The following GLCCI1 variants were observed in gnomAD, a reference collection of about 807,000 sequenced individuals.
GLCCI1 encodes glucocorticoid induced 1.
GLCCI1 carries 24 observed loss-of-function variants against 52.2 expected under a neutral mutation model. The observed-to-expected ratio is 0.46, with a 90% CI of 0.33 to 0.65. The LOEUF (loss-of-function observed/expected upper bound fraction) is 0.65, where lower values mean the gene tolerates loss of function less well. Ranked by LOEUF, GLCCI1 falls within the 30% of genes least tolerant of loss-of-function variation. The pLI is 0.02. For synonymous variants in GLCCI1, 310 were observed against 276.5 expected (o/e 1.12, Z -1.20); for missense variants, 704 against 701.5 (o/e 1.00, Z -0.04).
intron 4 of GLCCI1, 92 bp from the exon 5 acceptor site, chr7:8,060,000 GTTCA>G: frequency 2.9e-6 from 3 of 1,033,574 alleles, no homozygotes; most frequent in Non-Finnish European, 4.1e-6. Flanking sequence ...AAATAACTCC[GTTCA>G]TTGAGTTTCA....
chr7:8,052,529 C>T (rs941890052), intron 3 of GLCCI1, among the ~76,000 whole-genome samples: 3 of 152,112 alleles, frequency 2.0e-5, no homozygotes, highest in Non-Finnish European at 4.4e-5. Context: ...GGTTATAAAC[C>T]AACATATAGT....
At chr7:7,987,774 T>G (rs1040464538) in intron 1 of GLCCI1, among the ~76,000 whole-genome samples, 2 of 151,984 alleles carry the variant, frequency 1.3e-5, no homozygotes, top group African/African-American at 2.4e-5. Flanking sequence ...TATTTTTTAT[T>G]TTTTTTAGAA....
At chr7:8,024,887 A>G (rs1280185552) in intron 3 of GLCCI1, 1 of 152,274 alleles carries the variant, frequency 6.6e-6, no homozygotes, top group Non-Finnish European at 1.5e-5. Flanking sequence ...TCTGTCGCAT[A>G]GCATTTCAGT....
intron 6 of GLCCI1, among the ~76,000 whole-genome samples, chr7:8,079,736 T>A (rs1398593877): frequency 6.6e-6 from 1 of 151,470 alleles, no homozygotes; most frequent in East Asian, 1.9e-4. Flanking sequence ...TGAGAAGTGA[T>A]TACAAAATAT....
chr7:7,995,865 C>T (rs1315869188), intron 1 of GLCCI1, among the ~76,000 whole-genome samples: 2 of 151,258 alleles, frequency 1.3e-5, no homozygotes, highest in African/African-American at 2.4e-5. Flanking sequence ...CAAACCTGCA[C>T]GTTGTGCACA....
In GLCCI1 at chr7:8,002,618, G is replaced by T. The variant is rs559220756; in HGVS notation, c.458-1290G>T. ...GTTTTTCTGGTAAACTATGTATTCT[G>T]ATTTCAGGAAGGTGAAGGACAGCAT... On this transcript the variant is annotated intron_variant, in intron 1 of 7. Transcript: ENST00000223145. 4.7e-4 allele frequency among the ~76,000 whole-genome samples: 72 copies of T among 152,262 alleles called. No individual in the cohort carries two copies. The South Asian group carries it at 0.014, about 30-fold the overall frequency.
At chr7:8,025,635 T>A (rs989567303) in intron 3 of GLCCI1, among the ~76,000 whole-genome samples, 1 of 152,092 alleles carries the variant, frequency 6.6e-6, no homozygotes, top group African/African-American at 2.4e-5. Flanking sequence ...CTTTCCAGAT[T>A]TGATGAAAAA....
In GLCCI1 at chr7:8,084,908, A is replaced by G. The variant is rs1471531784; in HGVS notation, c.1189A>G (p.Ser397Gly). 2.5e-6 allele frequency: 4 copies of G among 1,614,114 alleles called. No individual in the cohort carries two copies. Among genetic ancestry groups the G allele is most frequent in the Non-Finnish European group, 2.5e-6 (3 of 1,179,980 alleles). The change falls in exon 7 of 8, where the codon AGC becomes GGC. Residue 397 changes from serine to glycine, a missense_variant. Physicochemically the swap from Ser to Gly is moderately conservative, Grantham distance 56 (BLOSUM62 0). This residue lies in a region of GLCCI1 where 547 missense variants were observed against 524.8 expected (regional missense o/e 1.04). Transcript: ENST00000223145. ...CTTTAAATTTACAGACAGTGGGAGT[A>G]GCTCACCGTTACCCAAGTATGCTTC... ...LYDRDKDSGSSSPLPKYASSP... is the reference protein window; with the variant it reads ...LYDRDKDSGSGSPLPKYASSP...
intron 2 of GLCCI1, among the ~76,000 whole-genome samples, chr7:8,019,094 T>C (rs1478185863): frequency 6.6e-6 from 1 of 152,238 alleles, no homozygotes; most frequent in African/African-American, 2.4e-5. Flanking sequence ...ATAGATTTGA[T>C]TTTGGTAGCC....
chr7:7,999,453 T>A (rs1781008127), intron 1 of GLCCI1, among the ~76,000 whole-genome samples: 1 of 151,738 alleles, frequency 6.6e-6, no homozygotes, highest in South Asian at 2.1e-4. Flanking sequence ...ATAAAAAATT[T>A]AAAAATTAGC....
intron 5 of GLCCI1, among the ~76,000 whole-genome samples, chr7:8,064,940 T>C (rs1004732578): frequency 2.6e-5 from 4 of 152,010 alleles, no homozygotes; most frequent in Non-Finnish European, 4.4e-5. Flanking sequence ...ATGGTCTCGA[T>C]CTCCTGACCG....
chr7:8,005,729 A>G (rs941468921), intron 2 of GLCCI1, among the ~76,000 whole-genome samples: 2 of 152,180 alleles, frequency 1.3e-5, no homozygotes, highest in African/African-American at 4.8e-5. Context: ...TACCAAACCA[A>G]CATATGAAAT....
intron 1 of GLCCI1, among the ~76,000 whole-genome samples, chr7:7,975,807 GAGAT>G: frequency 6.6e-6 from 1 of 150,642 alleles, no homozygotes; most frequent in Non-Finnish European, 1.5e-5. Flanking sequence ...CCTTGTTTCT[GAGAT>G]AGAGAGAGAA....
At position 8,086,248 on chromosome 7, in the gene GLCCI1, A is replaced by T; in HGVS notation, c.1354A>T (p.Asn452Tyr). 6.2e-7 allele frequency: 1 copy of T among 1,614,136 alleles called. No individual in the cohort carries two copies. The highest frequency in any genetic ancestry group is 8.5e-7 in the Non-Finnish European group (1 of 1,180,026). ...LFSCPDKNKV[N>Y]FIPTGSAFCP... ...TTCATGTCCTGACAAAAACAAGGTT[A>T]ATTTCATCCCAACCGGATCAGCTTT... The change falls in exon 8 of 8, where the codon AAT becomes TAT. Residue 452 changes from asparagine (N) to tyrosine (Y), a missense_variant. By Grantham distance (143) the Asn-to-Tyr change is moderately radical (BLOSUM62 -2). Transcript: ENST00000223145. This position sits in a 1 kb window ranked among gnomAD's most constrained non-coding sequence, Gnocchi z 4.4.
intron 5 of GLCCI1, chr7:8,070,005 T>C (rs1223986844): frequency 6.6e-6 from 1 of 152,260 alleles, no homozygotes; most frequent in Non-Finnish European, 1.5e-5. Context: ...AACCTCACTT[T>C]GTTAGCACAC....
intron 2 of GLCCI1, among the ~76,000 whole-genome samples, chr7:8,012,009 G>A (rs1212589633): frequency 1.3e-5 from 2 of 151,886 alleles, no homozygotes; most frequent in Admixed American, 1.3e-4. Context: ...TAGAGACGGG[G>A]TTTCACTGTG....
chr7:8,009,586 A>G (rs1041085892), intron 2 of GLCCI1, among the ~76,000 whole-genome samples: 5 of 152,210 alleles, frequency 3.3e-5, no homozygotes, highest in Non-Finnish European at 7.3e-5. Flanking sequence ...GATGCTTTAA[A>G]GAACTGGTGC....
chr7:8,078,196 G>A (rs181895799), intron 6 of GLCCI1, among the ~76,000 whole-genome samples: 174 of 126,668 alleles, frequency 1.4e-3, no homozygotes, highest in Middle Eastern at 4.8e-3. Context: ...GCGACAGTGC[G>A]AGACTCCGTC....
chr7:8,001,117 C>T (rs1018045162), intron 1 of GLCCI1, among the ~76,000 whole-genome samples: 5 of 152,204 alleles, frequency 3.3e-5, no homozygotes, highest in African/African-American at 1.2e-4. Context: ...TTATTTGATG[C>T]AGTTTCTTCC....
Sources: gnomAD v4.1 joint callset for allele counts (sites outside exome capture counted in the v4.1 genomes callset) on GRCh38, gnomAD v4.1.1 for gene constraint, gnomAD v4.1.1 regional missense constraint, Gnocchi (gnomAD v3.1) non-coding constraint, MANE v1.5 for transcripts, NCBI Gene and HGNC (gene_info 2026-07-23, HGNC 2026-07-21) for gene names.